Variants in TMEM132D observed in about 807,000 individuals in gnomAD.
TMEM132D encodes transmembrane protein 132D.
TMEM132D carries 21 observed loss-of-function variants against 62.3 expected under a neutral mutation model. The observed-to-expected ratio is 0.34, with a 90% CI of 0.24 to 0.49. The LOEUF (loss-of-function observed/expected upper bound fraction) is 0.49. TMEM132D is among the 20% of genes least tolerant of loss of function. The pLI is 0.99. For synonymous variants in TMEM132D, 621 were observed against 575.6 expected (o/e 1.08, Z -1.13); for missense variants, 1,346 against 1,402.8 (o/e 0.96, Z 0.65).
At chr12:129,245,850 GA>G (rs1880087988) in intron 4 of TMEM132D, among the ~76,000 whole-genome samples, 1 of 152,182 alleles carries the variant, frequency 6.6e-6, no homozygotes, top group Non-Finnish European at 1.5e-5. Context: ...TGTTTTAAAA[GA>G]AACAGAGTTA....
At chr12:129,339,129 G>A (rs1869384626) in intron 3 of TMEM132D, among the ~76,000 whole-genome samples, 1 of 152,120 alleles carries the variant, frequency 6.6e-6, no homozygotes, top group African/African-American at 2.4e-5. Flanking sequence ...AAATTAGCTG[G>A]GTGTGGTGGC....
intron 2 of TMEM132D, among the ~76,000 whole-genome samples, chr12:129,577,263 A>T (rs370609271): frequency 6.6e-6 from 1 of 151,888 alleles, no homozygotes; most frequent in Non-Finnish European, 1.5e-5. Flanking sequence ...CAGGCTTGCC[A>T]AAACAGCAGC....
chr12:129,474,707 G>A (rs1337060366), intron 3 of TMEM132D, among the ~76,000 whole-genome samples: 1 of 152,198 alleles, frequency 6.6e-6, no homozygotes, highest in South Asian at 2.1e-4. Flanking sequence ...GGTGAACTGG[G>A]GGAGTGCAAA....
intron 1 of TMEM132D, among the ~76,000 whole-genome samples, chr12:129,876,213 G>A (rs1874412794): frequency 6.6e-6 from 1 of 152,196 alleles, no homozygotes; most frequent in African/African-American, 2.4e-5. Context: ...GCCGAGAAAT[G>A]TTATTTCCAT....
At chr12:129,593,337 A>G (rs1878246238) in intron 2 of TMEM132D, among the ~76,000 whole-genome samples, 1 of 152,200 alleles carries the variant, frequency 6.6e-6, no homozygotes, top group African/African-American at 2.4e-5. Context: ...AACAGAAGAT[A>G]AAAAATGTGA....
At chr12:129,859,224 TAG>T (rs1451909786) in intron 1 of TMEM132D, among the ~76,000 whole-genome samples, 1 of 152,202 alleles carries the variant, frequency 6.6e-6, no homozygotes, top group Non-Finnish European at 1.5e-5. Flanking sequence ...GAATCCAGGA[TAG>T]AGACTGTGGT....
intron 5 of TMEM132D, among the ~76,000 whole-genome samples, chr12:129,172,986 A>C (rs910023751): frequency 1.3e-5 from 2 of 152,178 alleles, no homozygotes; most frequent in Admixed American, 6.5e-5. Flanking sequence ...AACATTTATT[A>C]AGTTTGCCAT....
intron 3 of TMEM132D, among the ~76,000 whole-genome samples, chr12:129,347,126 T>C (rs1426788647): frequency 6.6e-6 from 1 of 152,112 alleles, no homozygotes; most frequent in African/African-American, 2.4e-5. Context: ...AAAATGGCCA[T>C]GCTGCCCAAA....
At chr12:129,665,724 T>C (rs1880361078) in intron 2 of TMEM132D, among the ~76,000 whole-genome samples, 1 of 152,154 alleles carries the variant, frequency 6.6e-6, no homozygotes, top group Admixed American at 6.5e-5. Context: ...GTAGGTACTT[T>C]ATATTAACTT....
chr12:129,880,022 G>C (rs1168210717), intron 1 of TMEM132D, among the ~76,000 whole-genome samples: 3 of 152,000 alleles, frequency 2.0e-5, no homozygotes, highest in Non-Finnish European at 4.4e-5. Flanking sequence ...CAGAACCTCA[G>C]AGAATCCCAA....
intron 1 of TMEM132D, among the ~76,000 whole-genome samples, chr12:129,866,600 T>C (rs1389257050): frequency 6.7e-6 from 1 of 148,978 alleles, no homozygotes; most frequent in East Asian, 2.0e-4. Flanking sequence ...AATAAAAATA[T>C]ATTAAAAAAA....
At chr12:129,751,460 G>T (rs1869998308) in intron 1 of TMEM132D, among the ~76,000 whole-genome samples, 1 of 152,108 alleles carries the variant, frequency 6.6e-6, no homozygotes. Flanking sequence ...TGAGATTTGG[G>T]TGGGGACACA....
At chr12:129,582,249 C>T (rs530994951) in intron 2 of TMEM132D, among the ~76,000 whole-genome samples, 20 of 152,294 alleles carry the variant, frequency 1.3e-4, no homozygotes, top group South Asian at 2.1e-4. Flanking sequence ...TTTGGGAGCA[C>T]GTAGATGCTG....
intron 4 of TMEM132D, among the ~76,000 whole-genome samples, chr12:129,215,665 T>C (rs889897955): frequency 6.6e-6 from 1 of 152,292 alleles, no homozygotes; most frequent in South Asian, 2.1e-4. Context: ...GAACTATTAA[T>C]AGTTAAGTGC....
At chr12:129,401,556 G>A (rs73424388) in intron 3 of TMEM132D, among the ~76,000 whole-genome samples, 25,049 of 151,882 alleles carry the variant, frequency 0.16, 2,323 homozygotes, top group East Asian at 0.36. Context: ...GTGACAGAGC[G>A]AGACGCTGCC....
At chr12:129,362,177 C>T (rs1870269020) in intron 3 of TMEM132D, among the ~76,000 whole-genome samples, 1 of 152,160 alleles carries the variant, frequency 6.6e-6, no homozygotes, top group African/African-American at 2.4e-5. Flanking sequence ...AAGATCGGTT[C>T]CCAATCAAAT....
intron 2 of TMEM132D, among the ~76,000 whole-genome samples, chr12:129,576,555 C>T (rs1464711303): frequency 6.6e-6 from 1 of 151,094 alleles, no homozygotes; most frequent in Non-Finnish European, 1.5e-5. Context: ...AATATATACA[C>T]ATATATATGT....
intron 4 of TMEM132D, among the ~76,000 whole-genome samples, chr12:129,276,722 T>TA (rs1480119930): frequency 9.2e-5 from 14 of 152,228 alleles, no homozygotes; most frequent in Admixed American, 3.9e-4. Context: ...GTTTATTATT[T>TA]AAAAAGTACA....
At chr12:129,886,762 G>A (rs797000142) in intron 1 of TMEM132D, among the ~76,000 whole-genome samples, 6 of 152,246 alleles carry the variant, frequency 3.9e-5, no homozygotes, top group East Asian at 1.9e-4. Flanking sequence ...TAACCTCCAC[G>A]TGTCGTGGAA....
Sources: gnomAD v4.1 joint callset for allele counts (sites outside exome capture counted in the v4.1 genomes callset) on GRCh38, gnomAD v4.1.1 for gene constraint, MANE v1.5 for transcripts, NCBI Gene and HGNC (gene_info 2026-07-23, HGNC 2026-07-21) for gene names.